The following FRRS1 variants were observed in gnomAD, a reference collection of about 807,000 sequenced individuals.
FRRS1 encodes ferric chelate reductase 1, also known as ferric reductase 1.
FRRS1 carries 51 observed loss-of-function variants against 70.7 expected under a neutral mutation model. The observed-to-expected ratio is 0.72, with a 90% confidence interval of 0.58 to 0.91. The LOEUF (loss-of-function observed/expected upper bound fraction) is 0.91. Ranked by LOEUF, FRRS1 falls within the 40% of genes least tolerant of loss-of-function variation. The pLI, the probability that FRRS1 is intolerant of heterozygous loss-of-function variation, is 0.00. For missense variants in FRRS1, 672 were observed against 726.0 expected (o/e 0.93, Z 0.86); for synonymous variants, 225 against 238.7 (o/e 0.94, Z 0.53).
chr1:99,728,047 C>T (rs368836271), intron 9 of FRRS1, among the ~76,000 whole-genome samples: 34 of 152,280 alleles, frequency 2.2e-4, no homozygotes, highest in African/African-American at 6.0e-4. Context: ...TTTCCCTCCC[C>T]GCCTCCCTAG....
At chr1:99,731,941 C>T (rs1655408917) in intron 7 of FRRS1, among the ~76,000 whole-genome samples, 1 of 152,192 alleles carries the variant, frequency 6.6e-6, no homozygotes, top group South Asian at 2.1e-4. Context: ...GATGAGACTA[C>T]AGGTGTAAGC....
At position 99,758,570 on chromosome 1, in the gene FRRS1, C is replaced by T. The variant is rs181973763; in HGVS notation, c.-106+8037G>A. ...GAGGATGTACGTCATCTCAGGACCA[C>T]TGTGATAACTGTGTTAACTGTACAA... On this transcript the variant is annotated intron_variant, in intron 1 of 16. Coordinates refer to ENST00000646001, the MANE Select transcript of FRRS1 (RefSeq NM_001361041.2). Among the ~76,000 whole-genome samples, 354 of 151,348 alleles carry T rather than the reference C, an allele frequency of 2.3e-3. 1 individual carries two copies. The Middle Eastern group carries it at 0.034, about 15-fold the overall frequency.
At chr1:99,717,152 A>G (rs1463329691) in intron 11 of FRRS1, among the ~76,000 whole-genome samples, 2 of 152,144 alleles carry the variant, frequency 1.3e-5, no homozygotes, top group African/African-American at 2.4e-5. Context: ...CCCAAAGTCT[A>G]TATTACAAAG....
chr1:99,761,215 G>A (rs377372382), intron 1 of FRRS1, among the ~76,000 whole-genome samples: 24 of 151,788 alleles, frequency 1.6e-4, no homozygotes, highest in East Asian at 1.6e-3. Flanking sequence ...CAACCTCCAC[G>A]TATCAGACTC....
At chr1:99,746,757 T>A (rs1037849020) in intron 4 of FRRS1, among the ~76,000 whole-genome samples, 1 of 152,210 alleles carries the variant, frequency 6.6e-6, no homozygotes, top group Non-Finnish European at 1.5e-5. Context: ...TCCTATGATA[T>A]AGCACTGAAA....
At chr1:99,761,004 T>C (rs892090007) in intron 1 of FRRS1, among the ~76,000 whole-genome samples, 1 of 151,770 alleles carries the variant, frequency 6.6e-6, no homozygotes, top group Non-Finnish European at 1.5e-5. Context: ...TAAGACAAAG[T>C]AAGGGGAAAG....
intron 7 of FRRS1, among the ~76,000 whole-genome samples, chr1:99,736,474 T>TA (rs1340701853): frequency 2.6e-5 from 4 of 152,114 alleles, no homozygotes; most frequent in Non-Finnish European, 4.4e-5. Context: ...CATATATACA[T>TA]ACTGAAATGG....
intron 12 of FRRS1, among the ~76,000 whole-genome samples, chr1:99,713,301 A>G (rs1654362879): frequency 6.6e-6 from 1 of 152,248 alleles, no homozygotes; most frequent in Non-Finnish European, 1.5e-5. Flanking sequence ...ATCCAGCTTT[A>G]GAATGGCGCT....
At chr1:99,712,738 G>A (rs1654331037) in intron 12 of FRRS1, among the ~76,000 whole-genome samples, 1 of 152,076 alleles carries the variant, frequency 6.6e-6, no homozygotes, top group African/African-American at 2.4e-5. Context: ...TTGACAACTG[G>A]TTATCAATAT....
chr1:99,744,604 T>G (rs1275611109), intron 4 of FRRS1, among the ~76,000 whole-genome samples: 5 of 151,910 alleles, frequency 3.3e-5, no homozygotes, highest in Admixed American at 2.0e-4. Context: ...CTGACTAACA[T>G]GGAGAAACCC....
intron 6 of FRRS1, among the ~76,000 whole-genome samples, chr1:99,739,195 T>C (rs1279296338): frequency 6.6e-6 from 1 of 152,174 alleles, no homozygotes; most frequent in East Asian, 1.9e-4. Flanking sequence ...AAGAAAACTG[T>C]AAGAAATAGA....
intron 9 of FRRS1, among the ~76,000 whole-genome samples, chr1:99,722,908 T>A (rs1654905181): frequency 6.6e-6 from 1 of 152,168 alleles, no homozygotes; most frequent in Non-Finnish European, 1.5e-5. Flanking sequence ...GGATATGACA[T>A]TTATCTAGAA....
intron 1 of FRRS1, among the ~76,000 whole-genome samples, chr1:99,759,368 T>C (rs1232822727): frequency 6.6e-6 from 1 of 152,122 alleles, no homozygotes; most frequent in Admixed American, 6.6e-5. Context: ...TTACTGAAAA[T>C]AGAAAGAACC....
intron 4 of FRRS1, 94 bp downstream of exon 4, chr1:99,747,200 A>C: frequency 1.1e-6 from 1 of 884,082 alleles, no homozygotes; most frequent in Non-Finnish European, 1.8e-6. Context: ...GTCTGGGGGG[A>C]GTCAAAAGTT....
At chr1:99,764,064 C>T (rs561394947) in intron 1 of FRRS1, among the ~76,000 whole-genome samples, 4 of 152,226 alleles carry the variant, frequency 2.6e-5, no homozygotes, top group South Asian at 2.1e-4. Context: ...ATAACAAATA[C>T]ATCAGCTAAT....
At chr1:99,738,577 A>T (rs6696570) in intron 6 of FRRS1, among the ~76,000 whole-genome samples, 75,151 of 152,066 alleles carry the variant, frequency 0.49, 22,592 homozygotes, top group African/African-American at 0.85. Context: ...ACATTAAGTA[A>T]GTTTTGGAGC....
At chr1:99,737,371 G>A (rs1010323605) in intron 7 of FRRS1, among the ~76,000 whole-genome samples, 2 of 152,212 alleles carry the variant, frequency 1.3e-5, no homozygotes, top group African/African-American at 4.8e-5. Context: ...GAAAGGCACT[G>A]ATGACTACTA....
Position 99,762,479 on chromosome 1 carries a change from C to CTTT in FRRS1, c.-106+4125_-106+4127dup, listed in dbSNP as rs34305090. On this transcript the variant is annotated intron_variant, in intron 1 of 16. Coordinates refer to ENST00000646001, the MANE Select transcript of FRRS1 (RefSeq NM_001361041.2). ...CTTTTCTTTCTTTCTTTTTTTTTCC[C>CTTT]TTTTTTTTTTTTGCCCTGTTTCTCT... 1.7e-3 allele frequency among the ~76,000 whole-genome samples: 232 copies of CTTT among 140,022 alleles called. 1 individual carries two copies. The highest frequency in any genetic ancestry group is 4.1e-3 in the South Asian group (18 of 4,396). The allele number at this position is 140,022 out of a possible 152,430, so 91.9% of individuals were successfully genotyped here. A position where few individuals can be genotyped will look rare whatever the true frequency, so the allele number is the denominator to read the frequency against.
chr1:99,723,465 G>C (rs1654935486), intron 9 of FRRS1, among the ~76,000 whole-genome samples: 1 of 152,032 alleles, frequency 6.6e-6, no homozygotes, highest in Non-Finnish European at 1.5e-5. Flanking sequence ...TCAGTGAGCA[G>C]TGATTGCACC....
Sources: gnomAD v4.1 joint callset for allele counts (sites outside exome capture counted in the v4.1 genomes callset) on GRCh38, gnomAD v4.1.1 for gene constraint, MANE v1.5 for transcripts, NCBI Gene and HGNC (gene_info 2026-07-23, HGNC 2026-07-21) for gene names.